The following GCNT2 variants were observed in gnomAD, a reference collection of about 807,000 sequenced individuals.
GCNT2 encodes the protein glucosaminyl (N-acetyl) transferase 2 (I blood group).
In GCNT2, 34 loss-of-function variants were observed where a neutral mutation model predicts 34.2. That is an observed-to-expected ratio of 1.00 (90% CI 0.76 to 1.32). The LOEUF is 1.32. Ranked by LOEUF, GCNT2 falls within the 40% of genes most tolerant of loss-of-function variation. The pLI is 0.00. For synonymous variants in GCNT2, 212 were observed against 188.0 expected (o/e 1.13, Z -1.04); for missense variants, 584 against 489.4 (o/e 1.19, Z -1.82).
chr6:10,582,152 A>G (rs1028472387), intron 3 of GCNT2, among the ~76,000 whole-genome samples: 12 of 135,608 alleles, frequency 8.8e-5, no homozygotes, highest in African/African-American at 3.3e-4. Context: ...ATATTCATAT[A>G]TGTATGTGTA....
At chr6:10,584,273 G>C (rs1764243916) in intron 3 of GCNT2, among the ~76,000 whole-genome samples, 1 of 152,158 alleles carries the variant, frequency 6.6e-6, no homozygotes, top group Admixed American at 6.5e-5. Context: ...TGTACACGTA[G>C]GCTAGATTTA....
chr6:10,588,949 TTGTA>T (rs1481529810), intron 3 of GCNT2, among the ~76,000 whole-genome samples: 1 of 133,052 alleles, frequency 7.5e-6, no homozygotes, highest in African/African-American at 2.8e-5. Flanking sequence ...GTGTGTGTGT[TTGTA>T]GTGTGTGTGG....
intron 3 of GCNT2, among the ~76,000 whole-genome samples, chr6:10,612,291 TTTTTG>T (rs1765593028): frequency 2.0e-5 from 3 of 152,096 alleles, no homozygotes; most frequent in Admixed American, 2.0e-4. Context: ...CCGGCCTTTG[TTTTTG>T]TTTTAACTTT....
At chr6:10,547,994 G>T in intron 3 of GCNT2, among the ~76,000 whole-genome samples, 1 of 152,138 alleles carries the variant, frequency 6.6e-6, no homozygotes, top group East Asian at 1.9e-4. Context: ...GATTCTTTTT[G>T]GCACAGGAGA....
chr6:10,536,571 G>A (rs1487406887), intron 3 of GCNT2, among the ~76,000 whole-genome samples: 1 of 151,746 alleles, frequency 6.6e-6, no homozygotes, highest in African/African-American at 2.4e-5. Context: ...GGCCAGGATG[G>A]TGTTGATCTC....
chr6:10,557,531 A>G (rs998074344), intron 3 of GCNT2, among the ~76,000 whole-genome samples: 3 of 151,650 alleles, frequency 2.0e-5, no homozygotes, highest in Admixed American at 2.0e-4. Flanking sequence ...TCTGTGGCCC[A>G]GGCTGGAGTG....
rs1384628416 is a variant in GCNT2 at position 10,529,039 on chromosome 6, C to T, written c.128C>T (p.Ser43Leu). 6.2e-7 allele frequency: 1 copy of T among 1,614,140 alleles called. No homozygotes were observed. ...CTGAGGGCAGCTCTGTCCAATGCTT[C>T]ACTGTTAGCAGAAGCCTGTCATCAG... ...RFLRAALSNA[S>L]LLAEACHQIF... is the part of the protein sequence containing the mutation. The change falls in exon 3 of 5, where the codon TCA becomes TTA. Residue 43 changes from serine (S) to leucine (L), a missense_variant. Ser to Leu is a moderately radical substitution (Grantham distance 145, BLOSUM62 -2). Coordinates refer to ENST00000495262, the MANE Select transcript of GCNT2 (RefSeq NM_145649.5).
Position 10,533,856 on chromosome 6 carries a change from C to T in GCNT2, c.925+4020C>T, listed in dbSNP as rs545941050. Among the ~76,000 whole-genome samples, 128 of 138,308 alleles carry T rather than the reference C, an allele frequency of 9.3e-4. 1 individual carries two copies. Among genetic ancestry groups the T allele is most frequent in the African/African-American group, 3.0e-3 (112 of 37,010 alleles). 90.7% of individuals were successfully genotyped at this position (138,308 alleles called of 152,430 possible). A position where few individuals can be genotyped will look rare whatever the true frequency, so the allele number is the denominator to read the frequency against. On this transcript the variant is annotated intron_variant, in intron 3 of 4. Transcript: ENST00000495262. ...GTATTTTATTTAACTCAGTTTGAAA[C>T]ATCACTTTTACTTGTGGCCTGTGGC...
chr6:10,578,228 T>C (rs1013364732), intron 3 of GCNT2, among the ~76,000 whole-genome samples: 15 of 151,572 alleles, frequency 9.9e-5, no homozygotes, highest in Admixed American at 5.3e-4. Flanking sequence ...CCGTGTCTAA[T>C]AAAAACACAA....
intron 3 of GCNT2, among the ~76,000 whole-genome samples, chr6:10,620,521 C>T (rs949936134): frequency 2.6e-5 from 4 of 151,926 alleles, no homozygotes; most frequent in Non-Finnish European, 4.4e-5. Flanking sequence ...GATCCTCCCA[C>T]CTCAGCCTCC....
chr6:10,531,162 C>T (rs549063308), intron 3 of GCNT2, among the ~76,000 whole-genome samples: 1 of 152,160 alleles, frequency 6.6e-6, no homozygotes, highest in Non-Finnish European at 1.5e-5. Context: ...AATTATAAAC[C>T]AGGTCTCCTA....
intron 3 of GCNT2, among the ~76,000 whole-genome samples, chr6:10,535,630 C>G (rs1413809478): frequency 6.6e-6 from 1 of 152,204 alleles, no homozygotes; most frequent in East Asian, 1.9e-4. Flanking sequence ...TTACACATTT[C>G]AAAACTGACC....
chr6:10,543,258 C>T (rs900840322), intron 3 of GCNT2, among the ~76,000 whole-genome samples: 3 of 151,242 alleles, frequency 2.0e-5, no homozygotes, highest in African/African-American at 7.3e-5. Flanking sequence ...GGCTGAAGTT[C>T]GGTGGCTCCA....
intron 3 of GCNT2, among the ~76,000 whole-genome samples, chr6:10,530,520 G>A (rs1199464440): frequency 6.6e-6 from 1 of 152,134 alleles, no homozygotes; most frequent in Non-Finnish European, 1.5e-5. Context: ...TGAAATGGGA[G>A]CAAGATACAA....
intron 3 of GCNT2, among the ~76,000 whole-genome samples, chr6:10,583,416 GC>G (rs553030174): frequency 9.7e-4 from 148 of 152,242 alleles, no homozygotes; most frequent in African/African-American, 3.5e-3. Context: ...TGGGAGCAGG[GC>G]CCACTCTTAA....
chr6:10,535,395 C>T (rs1761708880), intron 3 of GCNT2, among the ~76,000 whole-genome samples: 1 of 152,170 alleles, frequency 6.6e-6, no homozygotes, highest in African/African-American at 2.4e-5. Context: ...TTTTCCTCTC[C>T]CCACTTCCGT....
At chr6:10,556,271 T>A (rs1212246161) in intron 3 of GCNT2, 6 of 1,487,904 alleles carry the variant, frequency 4.0e-6, no homozygotes, top group East Asian at 2.4e-5. Flanking sequence ...GCAGCTGGAC[T>A]CTCGGGATGA....
At chr6:10,533,030 G>A (rs1222468343) in intron 3 of GCNT2, among the ~76,000 whole-genome samples, 5 of 151,488 alleles carry the variant, frequency 3.3e-5, no homozygotes, top group Non-Finnish European at 5.9e-5. Context: ...GTCCAGGCCA[G>A]GTGTGGTGGC....
At chr6:10,614,486 G>C (rs73434962) in intron 3 of GCNT2, among the ~76,000 whole-genome samples, 5,991 of 152,006 alleles carry the variant, frequency 0.039, 390 homozygotes, top group African/African-American at 0.14. Context: ...TTAGCTGGAC[G>C]TTAGTGGCAC....
Sources: gnomAD v4.1 joint callset for allele counts (sites outside exome capture counted in the v4.1 genomes callset) on GRCh38, gnomAD v4.1.1 for gene constraint, MANE v1.5 for transcripts, NCBI Gene and HGNC (gene_info 2026-07-23, HGNC 2026-07-21) for gene names.